The following GMIP variants were observed in gnomAD, a reference collection of about 807,000 sequenced individuals.
The protein encoded by GMIP is GEM interacting protein.
In GMIP, 54 loss-of-function variants were observed where a neutral mutation model predicts 105.3. The observed-to-expected ratio is 0.51, with a 90% confidence interval of 0.41 to 0.64. The LOEUF (loss-of-function observed/expected upper bound fraction) is 0.64. Among genes scored for constraint, GMIP ranks in the 30% least tolerant of loss-of-function variants. GMIP has a pLI of 0.00. For missense variants in GMIP, 1,110 were observed against 1,319.4 expected (o/e 0.84, Z 2.46); for synonymous variants, 541 against 560.8 (o/e 0.96, Z 0.50).
intron 4 of GMIP, 145 bp from the exon 5 acceptor site, chr19:19,640,716 A>T (rs1425803268): frequency 1.9e-6 from 1 of 526,846 alleles, no homozygotes; most frequent in Non-Finnish European, 3.2e-6. Context: ...TCCTGGTTGC[A>T]ATTTTACAGA....
intron 19 of GMIP, among the ~76,000 whole-genome samples, chr19:19,631,974 C>T (rs968646307): frequency 3.8e-5 from 5 of 131,792 alleles, no homozygotes; most frequent in African/African-American, 1.5e-4. Flanking sequence ...GGTGACAGAG[C>T]GAGACTCCAT....
chr19:19,637,509 C>T lies in GMIP; in HGVS notation c.980G>A (p.Arg327His). 1.9e-6 allele frequency: 3 copies of T among 1,538,552 alleles called. No individual in the cohort carries two copies. The highest frequency in any genetic ancestry group is 2.5e-5 in the East Asian group (1 of 40,208). ...GCACTCGGCCAGGGCGGCGAAGGCG[C>T]GGGGGCCACGCTCTGCCTGCGCCCC... ...LRGAQAERGP[R>H]AFAALAECCA... Residue 327 changes from arginine (R) to histidine (H), a missense_variant, in exon 11 of 21, where the codon CGC becomes CAC. This residue lies in a region of GMIP where 667 missense variants were observed against 773.2 expected (regional missense o/e 0.86). Coordinates refer to ENST00000203556, the MANE Select transcript of GMIP (RefSeq NM_016573.4). The surrounding 1 kb of genome is among the most constrained non-coding windows in gnomAD (Gnocchi z 6.7).
chr19:19,634,649 T>C lies in GMIP; in HGVS notation c.1942A>G (p.Lys648Glu), dbSNP rs768859740. The stretch of plus-strand genomic sequence containing the variant: ...TCCCCAGGGTCTGCATGCAAGGTCT[T>C]AGCCAGAGAGATGAAGGCGTCGTAG... ...HLYDAFISLA[K>E]TLHADPGDDP... Residue 648 changes from lysine (K) to glutamate (E), a missense_variant, in exon 18 of 21, where the codon AAG becomes GAG. By Grantham distance (56) the Lys-to-Glu change is moderately conservative (BLOSUM62 1). Transcript: ENST00000203556. This position sits in a 1 kb window ranked among gnomAD's most constrained non-coding sequence, Gnocchi z 6.1. The C allele has an allele frequency of 6.2e-7, 1 of 1,612,892 alleles. No individual in the cohort carries two copies. Among genetic ancestry groups the C allele is most frequent in the South Asian group, 1.1e-5 (1 of 91,068 alleles).
chr19:19,641,443 A>G lies in GMIP; in HGVS notation c.238+367T>C, dbSNP rs143772011. On this transcript the variant is annotated intron_variant, in intron 4 of 20. Transcript: ENST00000203556. ...ATCCAGGCTGGAGTGCAGTGGCACA[A>G]TCGTATCTCACTGCAGCCTCAAAGT... Among the ~76,000 whole-genome samples, 536 of 152,268 alleles carry G rather than the reference A, an allele frequency of 3.5e-3. 2 individuals carry two copies. Among genetic ancestry groups the G allele is most frequent in the African/African-American group, 0.012 (483 of 41,562 alleles).
In GMIP at chr19:19,629,751, TCTAGTGGGGGGA is replaced by T; in HGVS notation, c.*200_*211del. The stretch of plus-strand genomic sequence containing the variant: ...CCCTGATGCTTGGCAGTGACCTGTG[TCTAGTGGGGGGA>T]CTCTGGGACATTATCCCCAAAAGGG... On this transcript the variant is annotated 3_prime_UTR_variant, in exon 21 of 21. Coordinates refer to ENST00000203556, the MANE Select transcript of GMIP (RefSeq NM_016573.4). The T allele has an allele frequency of 1.7e-6, 1 of 583,308 alleles. No homozygotes were observed. Among genetic ancestry groups the T allele is most frequent in the South Asian group, 2.1e-5 (1 of 46,866 alleles). The allele number at this position is 583,308 out of a possible 1,614,324, so 36.1% of individuals were successfully genotyped here.
Position 19,637,729 on chromosome 19 carries a change from C to A in GMIP, c.928-168G>T, listed in dbSNP as rs924411342. Reference sequence around the variant, plus strand: ...CCAGGGGACCCAGGCATGGTCAGAGCAGGGGCTGGTCATCCAGGGGACAGG... The same window carrying A: ...CCAGGGGACCCAGGCATGGTCAGAGAAGGGGCTGGTCATCCAGGGGACAGG... On this transcript the variant is annotated intron_variant, in intron 10 of 20. Transcript: ENST00000203556. This position sits in a 1 kb window ranked among gnomAD's most constrained non-coding sequence, Gnocchi z 6.7. 4.6e-5 allele frequency among the ~76,000 whole-genome samples: 7 copies of A among 152,166 alleles called. No homozygotes were observed. Among genetic ancestry groups the A allele is most frequent in the Admixed American group, 1.3e-4 (2 of 15,284 alleles).
In GMIP at chr19:19,635,179, G is replaced by A; in HGVS notation, c.1595C>T (p.Thr532Ile). Residue 532 changes from threonine to isoleucine, a missense_variant, in exon 16 of 21, where the codon ACT becomes ATT. Around this residue, in one of 3 missense-constraint regions of GMIP, gnomAD observed 667 missense variants for 773.2 expected, o/e 0.86. Coordinates refer to ENST00000203556, the MANE Select transcript of GMIP (RefSeq NM_016573.4). This position sits in a 1 kb window ranked among gnomAD's most constrained non-coding sequence, Gnocchi z 4.7. ...FLTCHKRCLE[T>I]LLILCGHRRL... ...CCTGTGTCCACAGAGGATCAGGAGA[G>A]TCTCCAGGCAGCGCTTGTGGCAGGT... 2.5e-6 allele frequency: 4 copies of A among 1,613,850 alleles called. No individual in the cohort carries two copies. Among genetic ancestry groups the A allele is most frequent in the Non-Finnish European group, 3.4e-6 (4 of 1,179,814 alleles).
chr19:19,641,267 A>G (rs941772977), intron 4 of GMIP, among the ~76,000 whole-genome samples: 1 of 151,634 alleles, frequency 6.6e-6, no homozygotes, highest in African/African-American at 2.4e-5. Flanking sequence ...TATTTTTAGT[A>G]GAGATGGGGT....
chr19:19,641,915 G>C, intron 3 of GMIP, 48 bp from the exon 4 acceptor site: 1 of 1,599,520 alleles, frequency 6.3e-7, no homozygotes, highest in Non-Finnish European at 8.6e-7. Context: ...GCAGGGGCCT[G>C]GCCTTCCTAA....
chr19:19,640,458 T>G lies in GMIP; in HGVS notation c.352A>C (p.Arg118=), dbSNP rs1182988596. ...AKELLAWTEK[R]ASYELEFAKS... is the part of the protein sequence containing the mutation. ...AAGAGGTCCTCACCATAGCTGGCTC[T>G]CTTTTCAGTCCAGGCAAGCAGTTCC... The change falls in exon 5 of 21, where the codon AGA becomes CGA. Residue 118 remains arginine, a synonymous_variant. Coordinates refer to ENST00000203556, the MANE Select transcript of GMIP (RefSeq NM_016573.4). 1 of 1,614,160 alleles carries G rather than the reference T, an allele frequency of 6.2e-7. No individual in the cohort carries two copies. The highest frequency in any genetic ancestry group is 1.7e-5 in the Admixed American group (1 of 60,020).
intron 4 of GMIP, 62 bp downstream of exon 4, chr19:19,641,748 G>C (rs1056487894): frequency 8.6e-7 from 1 of 1,167,922 alleles, no homozygotes; most frequent in Non-Finnish European, 1.3e-6. Flanking sequence ...GGGATCAGTG[G>C]TGATTTGTTG....
chr19:19,638,591 A>ATTTT, intron 7 of GMIP, 109 bp from the exon 8 acceptor site: 1 of 689,674 alleles, frequency 1.4e-6, no homozygotes, highest in Non-Finnish European at 2.3e-6. Context: ...TCTGGACTCT[A>ATTTT]TTTTTTTTTT....
rs757031120 is a variant in GMIP at position 19,634,677 on chromosome 19, G to A, written c.1914C>T (p.His638=). The A allele has an allele frequency of 1.3e-5, 21 of 1,610,826 alleles. No homozygotes were observed. Among genetic ancestry groups the A allele is most frequent in the East Asian group, 2.2e-5 (1 of 44,796 alleles). Reference sequence around the variant, plus strand: ...CCAGAGAGATGAAGGCGTCGTAGAGGTGGAAGGGGATCACGGGCTCGGTGA... The same window carrying A: ...CCAGAGAGATGAAGGCGTCGTAGAGATGGAAGGGGATCACGGGCTCGGTGA... ...QELTEPVIPF[H]LYDAFISLAK... is the part of the protein sequence containing the mutation. Residue 638 remains histidine, a synonymous_variant, in exon 18 of 21, where the codon CAC becomes CAT. Coordinates refer to ENST00000203556, the MANE Select transcript of GMIP (RefSeq NM_016573.4). The surrounding 1 kb of genome is among the most constrained non-coding windows in gnomAD (Gnocchi z 6.1).
At position 19,638,300 on chromosome 19, in the gene GMIP, G is replaced by A. The variant is rs1341964719; in HGVS notation, c.648C>T (p.Ala216=). The change falls in exon 9 of 21, where the codon GCC becomes GCT. Residue 216 remains alanine, a synonymous_variant. Transcript: ENST00000203556. ...CGCTGCGTTGCACATACTGCAGCTG[G>A]GCGCGCCGCAGTGCCTGCACCGCCT... The part of the protein sequence containing the change: ...MNEAVQALRR[A]QLQYVQRSED... 1 of 1,612,636 alleles carries A rather than the reference G, an allele frequency of 6.2e-7. No homozygotes were observed. Among genetic ancestry groups the A allele is most frequent in the South Asian group, 1.1e-5 (1 of 91,078 alleles).
At chr19:19,631,493 C>A (rs2061795107) in intron 19 of GMIP, among the ~76,000 whole-genome samples, 1 of 152,212 alleles carries the variant, frequency 6.6e-6, no homozygotes. Flanking sequence ...CTCTCAGAGA[C>A]CCACAGTTCA....
At chr19:19,638,851 T>A (rs1426848850) in intron 7 of GMIP, among the ~76,000 whole-genome samples, 2 of 149,582 alleles carry the variant, frequency 1.3e-5, no homozygotes, top group Non-Finnish European at 3.0e-5. Flanking sequence ...GAGGCCAAAG[T>A]GGGCAGATCA....
rs556649623 is a variant in GMIP, at chr19:19,642,571, C to T, written c.68G>A (p.Arg23Gln). 36 of 1,610,900 alleles carry T rather than the reference C, an allele frequency of 2.2e-5. No homozygotes were observed. Among genetic ancestry groups the T allele is most frequent in the East Asian group, 1.3e-4 (6 of 44,842 alleles). Residue 23 changes from arginine to glutamine, a missense_variant, in exon 2 of 21, where the codon CGG (arginine) becomes CAG (glutamine). By Grantham distance (43) the Arg-to-Gln change is conservative (BLOSUM62 1). Coordinates refer to ENST00000203556, the MANE Select transcript of GMIP (RefSeq NM_016573.4). ...EGRKRYSDIF[R>Q]SLDNLEISLG... is the part of the protein sequence containing the mutation. The stretch of plus-strand genomic sequence containing the variant: ...TGAGATTTCGAGGTTGTCCAGGCTC[C>T]GGAAGATGTCACTGTACCTCTTCCT...
chr19:19,630,271 G>C lies in GMIP; in HGVS notation c.2605C>G (p.Pro869Ala), dbSNP rs2061780616. The C allele has an allele frequency of 6.4e-7, 1 of 1,552,476 alleles. No individual in the cohort carries two copies. Among genetic ancestry groups the C allele is most frequent in the African/African-American group, 1.4e-5 (1 of 73,332 alleles). ...TQSRGHFSRQ[P>A]VKYPRGGVRP... is the part of the protein sequence containing the mutation. ...ACACCGCCCCGGGGATACTTCACTG[G>C]CTGGCGGCTGAAGTGGCCACGAGAC... The change falls in exon 21 of 21, where the codon CCA becomes GCA. Residue 869 changes from proline (P) to alanine (A), a missense_variant. Transcript: ENST00000203556. This position sits in a 1 kb window ranked among gnomAD's most constrained non-coding sequence, Gnocchi z 4.8.
In GMIP at chr19:19,637,187, T is replaced by C. The variant is rs1001850018; in HGVS notation, c.1125-158A>G. Among the ~76,000 whole-genome samples the C allele has an allele frequency of 6.6e-6, 1 of 152,136 alleles. No homozygotes were observed. On this transcript the variant is annotated intron_variant, in intron 11 of 20. Transcript: ENST00000203556. The surrounding 1 kb of genome is among the most constrained non-coding windows in gnomAD (Gnocchi z 6.7). ...CTGAAATACAGTAGCCCCACATTCC[T>C]GCCCCTGCCCCTAGGACTGGGACAA...
Sources: gnomAD v4.1 joint callset for allele counts (sites outside exome capture counted in the v4.1 genomes callset) on GRCh38, gnomAD v4.1.1 for gene constraint, gnomAD v4.1.1 regional missense constraint, Gnocchi (gnomAD v3.1) non-coding constraint, MANE v1.5 for transcripts, NCBI Gene and HGNC (gene_info 2026-07-23, HGNC 2026-07-21) for gene names.